Variants in SLC35A5 observed in about 807,000 individuals in gnomAD.
The protein encoded by SLC35A5 is solute carrier family 35 member A5.
A neutral mutation model predicts 36.3 loss-of-function variants in SLC35A5; 28 were observed. The ratio of observed to expected loss-of-function variants is 0.77; its 90% CI spans 0.57 to 1.06. The LOEUF is 1.06. Among genes scored for constraint, SLC35A5 ranks in the 50% least tolerant of loss-of-function variants. The pLI, the probability that SLC35A5 is intolerant of heterozygous loss-of-function variation, is 0.00. For synonymous variants in SLC35A5, 180 were observed against 173.7 expected (o/e 1.04, Z -0.29); for missense variants, 521 against 499.3 (o/e 1.04, Z -0.41).
chr3:112,576,507 AC>A (rs1934685630), intron 5 of SLC35A5, among the ~76,000 whole-genome samples: 1 of 152,202 alleles, frequency 6.6e-6, no homozygotes, highest in African/African-American at 2.4e-5. Context: ...CTTTCACCTT[AC>A]AAATTTGAAA....
At chr3:112,570,698 AT>A in intron 4 of SLC35A5, 28 bp downstream of exon 4, 2 of 1,524,090 alleles carry the variant, frequency 1.3e-6, no homozygotes, top group Non-Finnish European at 1.8e-6. Context: ...AGAAAATACC[AT>A]TGAAAAGATA....
At chr3:112,571,702 G>T (rs1285108700) in intron 4 of SLC35A5, among the ~76,000 whole-genome samples, 1 of 152,200 alleles carries the variant, frequency 6.6e-6, no homozygotes, top group Non-Finnish European at 1.5e-5. Context: ...GCAGGCAGGA[G>T]AGCTTGTGCT....
At chr3:112,561,372 G>A (rs1471835114), upstream of SLC35A5, 1 of 1,420,680 alleles carries the variant, frequency 7.0e-7, no homozygotes, top group Non-Finnish European at 9.9e-7. Flanking sequence ...TGCCCCGCCG[G>A]AGAAAGCGGG....
In SLC35A5 at chr3:112,562,238, A is replaced by T. The variant is rs1576736820; in HGVS notation, c.-55A>T. ...AGACAGTTACTGTCTCAGCTCTAGGATGTGCGTTCTTCCACTAGAAGCTCT... is the reference window on the plus strand; with the variant it reads ...AGACAGTTACTGTCTCAGCTCTAGGTTGTGCGTTCTTCCACTAGAAGCTCT... On this transcript the variant is annotated 5_prime_UTR_variant, in exon 1 of 7. It removes an upstream start codon present in the reference 5' UTR. Coordinates refer to ENST00000492406, the MANE Select transcript of SLC35A5 (RefSeq NM_017945.5). 1 of 152,452 alleles carries T rather than the reference A, an allele frequency of 6.6e-6. No homozygotes were observed. Among genetic ancestry groups the T allele is most frequent in the Admixed American group, 6.5e-5 (1 of 15,286 alleles). The allele number at this position is 152,452 out of a possible 1,614,324, so 9.4% of individuals were successfully genotyped here.
rs1256325904 is a variant in SLC35A5, at chr3:112,573,778, C to T, written c.361-111C>T. On this transcript the variant is annotated intron_variant, in intron 4 of 6. Transcript: ENST00000492406. ...AGTTGAAATTGCTACCTTAATAACCCCTCTGTTTTTTGACCAAAAAGCTTT... is the reference window on the plus strand; with the variant it reads ...AGTTGAAATTGCTACCTTAATAACCTCTCTGTTTTTTGACCAAAAAGCTTT... 6 of 770,316 alleles carry T rather than the reference C, an allele frequency of 7.8e-6. 1 individual carries two copies. The South Asian group carries it at 8.3e-5, about 11-fold the overall frequency. The allele number at this position is 770,316 out of a possible 1,614,324, so 47.7% of individuals were successfully genotyped here.
intron 2 of SLC35A5, among the ~76,000 whole-genome samples, chr3:112,565,531 A>G (rs767323488): frequency 7.9e-5 from 12 of 152,210 alleles, no homozygotes; most frequent in Non-Finnish European, 1.3e-4. Context: ...TAATCCCAGC[A>G]CTTTAGGAGG....
chr3:112,565,486 T>C (rs1934153041), intron 2 of SLC35A5, among the ~76,000 whole-genome samples: 1 of 152,166 alleles, frequency 6.6e-6, no homozygotes, highest in South Asian at 2.1e-4. Flanking sequence ...GCAAAAAGTT[T>C]AAGGACTCGT....
At chr3:112,562,896 C>T (rs1220870879) in intron 1 of SLC35A5, among the ~76,000 whole-genome samples, 1 of 151,830 alleles carries the variant, frequency 6.6e-6, no homozygotes, top group African/African-American at 2.4e-5. Context: ...CCCGTCTCTA[C>T]TAAAAATACA....
chr3:112,573,162 AGGCAGGGT>A (rs1934521778), intron 4 of SLC35A5, among the ~76,000 whole-genome samples: 1 of 152,198 alleles, frequency 6.6e-6, no homozygotes, highest in South Asian at 2.1e-4. Flanking sequence ...GCAAGCAGGA[AGGCAGGGT>A]GAAGTACATC....
intron 5 of SLC35A5, among the ~76,000 whole-genome samples, chr3:112,575,751 T>A (rs1374375959): frequency 1.3e-5 from 2 of 149,334 alleles, no homozygotes; most frequent in African/African-American, 5.1e-5. Flanking sequence ...TTTTAAGTAT[T>A]TTATTACTTT....
At chr3:112,574,022 T>A in intron 5 of SLC35A5, 66 bp downstream of exon 5, 1 of 1,349,970 alleles carries the variant, frequency 7.4e-7, no homozygotes, top group Non-Finnish European at 1.1e-6. Flanking sequence ...TCAAATGATA[T>A]ACCCAGAACA....
intron 5 of SLC35A5, among the ~76,000 whole-genome samples, chr3:112,575,758 C>CTTT (rs36050657): frequency 7.8e-5 from 10 of 128,164 alleles, no homozygotes; most frequent in Non-Finnish European, 1.1e-4. Context: ...TATTTTATTA[C>CTTT]TTTTTTTTTT....
chr3:112,569,963 G>T (rs1395072867), intron 3 of SLC35A5, among the ~76,000 whole-genome samples: 1 of 152,212 alleles, frequency 6.6e-6, no homozygotes, highest in Non-Finnish European at 1.5e-5. Flanking sequence ...TTTCTCGTTA[G>T]TGACTACTTT....
In SLC35A5 at chr3:112,584,202, T is replaced by C. The variant is rs1489987452; in HGVS notation, c.*1466T>C. The stretch of plus-strand genomic sequence containing the variant: ...TCATTTAGGGTGGGATGTAGAGTAC[T>C]TTTAATCTTAAAAAATAGAGTGAGA... On this transcript the variant is annotated 3_prime_UTR_variant, in exon 7 of 7. Transcript: ENST00000492406. 6.6e-6 allele frequency: 1 copy of C among 152,176 alleles called. No homozygotes were observed. Among genetic ancestry groups the C allele is most frequent in the Non-Finnish European group, 1.5e-5 (1 of 68,020 alleles). The allele number at this position is 152,176 out of a possible 1,614,324, so 9.4% of individuals were successfully genotyped here.
chr3:112,579,446 T>G (rs573493269), intron 5 of SLC35A5, among the ~76,000 whole-genome samples: 1 of 152,220 alleles, frequency 6.6e-6, no homozygotes, highest in African/African-American at 2.4e-5. Flanking sequence ...CTAACTGATC[T>G]TCAAACATCA....
intron 6 of SLC35A5, among the ~76,000 whole-genome samples, chr3:112,582,181 A>G (rs944079818): frequency 2.0e-5 from 3 of 152,178 alleles, no homozygotes; most frequent in African/African-American, 7.2e-5. Flanking sequence ...AATAACATTC[A>G]TAGCAGAGCT....
intron 2 of SLC35A5, among the ~76,000 whole-genome samples, chr3:112,567,832 G>T (rs2107419812): frequency 6.6e-6 from 1 of 152,276 alleles, no homozygotes; most frequent in Non-Finnish European, 1.5e-5. Flanking sequence ...CAGTGACAAG[G>T]GTTTGAAAGT....
At chr3:112,578,872 C>T (rs1934774854) in intron 5 of SLC35A5, among the ~76,000 whole-genome samples, 1 of 151,680 alleles carries the variant, frequency 6.6e-6, no homozygotes, top group Admixed American at 6.6e-5. Context: ...AAAATGGACA[C>T]CCATTTTTTA....
rs1429893292 is a variant in SLC35A5 at position 112,563,536 on chromosome 3, A to C, written c.130+3A>C. On this transcript the variant is annotated splice_donor_region_variant and intron_variant, in intron 2 of 6. Transcript: ENST00000492406. ...AGTGAAGTATTCTGCCAATGAAGGT[A>C]AGTTAAGACTTGGTATATGCATGGA... The C allele has an allele frequency of 3.8e-6, 6 of 1,596,858 alleles. No individual in the cohort carries two copies. The highest frequency in any genetic ancestry group is 5.1e-6 in the Non-Finnish European group (6 of 1,167,354).
Sources: allele counts gnomAD v4.1 joint callset (sites outside exome capture counted in the v4.1 genomes callset), GRCh38; gene constraint gnomAD v4.1.1; transcripts MANE v1.5; gene names NCBI Gene and HGNC (gene_info 2026-07-23, HGNC 2026-07-21).